Variants in BBS9 observed in about 807,000 individuals in gnomAD.
BBS9 encodes Bardet-Biedl syndrome 9.
A neutral mutation model predicts 117.7 loss-of-function variants in BBS9; 89 were observed. That is an observed-to-expected ratio of 0.76 (90% CI 0.64 to 0.90). The LOEUF (loss-of-function observed/expected upper bound fraction) is 0.90. BBS9 is among the 40% of genes least tolerant of loss of function. The pLI is 0.00. For missense variants in BBS9, 982 were observed against 1,042.2 expected (o/e 0.94, Z 0.80); for synonymous variants, 379 against 370.9 (o/e 1.02, Z -0.25).
At chr7:33,488,628 T>G (rs1336693429) in intron 19 of BBS9, among the ~76,000 whole-genome samples, 1 of 152,166 alleles carries the variant, frequency 6.6e-6, no homozygotes, top group Non-Finnish European at 1.5e-5. Flanking sequence ...TCAGTTGAAT[T>G]CAGATGAGTA....
rs536337752 is a variant in BBS9 at position 33,401,654 on chromosome 7, A to G, written c.2115+13510A>G. ...ATTGCTGTCTAAAGACCTAGAATCA[A>G]TAGAAGGAATATCTGGGTTAAGACA... On this transcript the variant is annotated intron_variant, in intron 19 of 22. Transcript: ENST00000242067. Among the ~76,000 whole-genome samples the G allele has an allele frequency of 4.6e-5, 7 of 152,212 alleles. No homozygotes were observed. The South Asian group carries it at 1.2e-3, about 27-fold the overall frequency.
At chr7:33,353,884 T>G (rs966674833) in intron 15 of BBS9, among the ~76,000 whole-genome samples, 2 of 152,054 alleles carry the variant, frequency 1.3e-5, no homozygotes, top group Non-Finnish European at 2.9e-5. Flanking sequence ...AATTAGAATT[T>G]GGGTCATTAA....
rs79030728 is a variant in BBS9, at chr7:33,351,712, C to G, written c.1537+389C>G. ...CCAGGAAGAATTAGGCATGCGGACA[C>G]AGTGAGTGAGGAGGGTGGAATTTTT... On this transcript the variant is annotated intron_variant, in intron 14 of 22. Transcript: ENST00000242067. 5.3e-3 allele frequency among the ~76,000 whole-genome samples: 807 copies of G among 152,224 alleles called. 11 individuals carry two copies. Among genetic ancestry groups the G allele is most frequent in the African/African-American group, 0.019 (774 of 41,540 alleles).
At chr7:33,455,436 A>G (rs999605824) in intron 19 of BBS9, among the ~76,000 whole-genome samples, 1 of 152,172 alleles carries the variant, frequency 6.6e-6, no homozygotes, top group Non-Finnish European at 1.5e-5. Flanking sequence ...ATTTGTTCAT[A>G]TTTTATAGAA....
At chr7:33,224,879 G>C (rs979191782) in intron 5 of BBS9, among the ~76,000 whole-genome samples, 1 of 152,188 alleles carries the variant, frequency 6.6e-6, no homozygotes, top group Non-Finnish European at 1.5e-5. Context: ...GGCAACAGTA[G>C]CCATTGATGA....
intron 5 of BBS9, among the ~76,000 whole-genome samples, chr7:33,249,561 A>G (rs888371913): frequency 9.2e-5 from 14 of 151,954 alleles, no homozygotes; most frequent in African/African-American, 2.7e-4. Flanking sequence ...TCTCAAATTG[A>G]TCTTGGTCAG....
chr7:33,349,177 T>A lies in BBS9; in HGVS notation c.1432+7T>A. On this transcript the variant is annotated splice_region_variant and intron_variant, in intron 13 of 22. Transcript: ENST00000242067. ...TTCACCTTTGAATTTATGAGTAAGTTTTTTGTTTTGGCTGAAAGTCTACCA... is the reference window on the plus strand; with the variant it reads ...TTCACCTTTGAATTTATGAGTAAGTATTTTGTTTTGGCTGAAAGTCTACCA... 6.3e-7 allele frequency: 1 copy of A among 1,599,990 alleles called. No individual in the cohort carries two copies. Among genetic ancestry groups the A allele is most frequent in the Non-Finnish European group, 8.6e-7 (1 of 1,167,516 alleles).
chr7:33,324,746 A>G (rs868683396), intron 9 of BBS9, among the ~76,000 whole-genome samples: 4 of 151,994 alleles, frequency 2.6e-5, no homozygotes, highest in African/African-American at 9.7e-5. Context: ...TGCTGGATAT[A>G]CTATTCTAGG....
At chr7:33,205,319 C>T (rs1174588724) in intron 5 of BBS9, among the ~76,000 whole-genome samples, 1 of 152,102 alleles carries the variant, frequency 6.6e-6, no homozygotes, top group African/African-American at 2.4e-5. Context: ...TTCCATATAC[C>T]TCCCTCTCTA....
At chr7:33,130,705 G>A (rs533035839) in intron 1 of BBS9, among the ~76,000 whole-genome samples, 1 of 151,840 alleles carries the variant, frequency 6.6e-6, no homozygotes, top group African/African-American at 2.4e-5. Context: ...AACAATTACT[G>A]AGATTTTTTT....
upstream of BBS9, chr7:33,129,450 G>C (rs1386527832): frequency 4.2e-6 from 1 of 235,490 alleles, no homozygotes; most frequent in Non-Finnish European, 8.2e-6. Flanking sequence ...TTCCAACCGC[G>C]GCCCTCTCAG....
chr7:33,386,211 A>C (rs1406611665), intron 18 of BBS9, among the ~76,000 whole-genome samples: 1 of 152,172 alleles, frequency 6.6e-6, no homozygotes, highest in South Asian at 2.1e-4. Flanking sequence ...AATACACTTT[A>C]AAAAAGTTAA....
chr7:33,365,869 T>C (rs1821601792), intron 16 of BBS9, among the ~76,000 whole-genome samples: 1 of 152,196 alleles, frequency 6.6e-6, no homozygotes, highest in African/African-American at 2.4e-5. Flanking sequence ...TGGGACCTTG[T>C]CCTCTATGGC....
rs1430428947 is a variant in BBS9, at chr7:33,553,117, G to A, written c.2521+18941G>A. Among the ~76,000 whole-genome samples, 5 of 152,064 alleles carry A rather than the reference G, an allele frequency of 3.3e-5. No individual in the cohort carries two copies. The East Asian group carries it at 9.6e-4, about 29-fold the overall frequency. On this transcript the variant is annotated intron_variant, in intron 21 of 22. Transcript: ENST00000242067. The stretch of plus-strand genomic sequence containing the variant: ...ACACTGTCTCACTGGCTGACTTATA[G>A]CCATTCTCAGATCTCAACTTAAAGA...
chr7:33,177,460 T>C lies in BBS9; in HGVS notation c.329-18T>C, dbSNP rs1180090537. The stretch of plus-strand genomic sequence containing the variant: ...AGTGTACACAAATACAAAGTAATCC[T>C]TTTTTTTTTTTCCTTAGGAACCTTG... On this transcript the variant is annotated intron_variant, in intron 4 of 22. Coordinates refer to ENST00000242067, the MANE Select transcript of BBS9 (RefSeq NM_198428.3). The C allele has an allele frequency of 1.9e-5, 11 of 590,330 alleles. No individual in the cohort carries two copies. The highest frequency in any genetic ancestry group is 1.2e-4 in the South Asian group (4 of 34,510). The allele number at this position is 590,330 out of a possible 1,614,324, so 36.6% of individuals were successfully genotyped here. A position where few individuals can be genotyped will look rare whatever the true frequency, so the allele number is the denominator to read the frequency against.
At chr7:33,312,441 T>C (rs1809472158) in intron 9 of BBS9, among the ~76,000 whole-genome samples, 1 of 152,058 alleles carries the variant, frequency 6.6e-6, no homozygotes, top group African/African-American at 2.4e-5. Flanking sequence ...AATGAGGGAA[T>C]GGGAGGGGTG....
intron 21 of BBS9, among the ~76,000 whole-genome samples, chr7:33,613,356 C>T (rs1337577450): frequency 6.6e-5 from 10 of 152,020 alleles, no homozygotes; most frequent in Admixed American, 3.9e-4. Flanking sequence ...CCTTGATTAA[C>T]GTCTTTTATA....
intron 3 of BBS9, 93 bp from the exon 4 acceptor site, chr7:33,155,545 T>G (rs1584195766): frequency 1.1e-5 from 9 of 784,350 alleles, no homozygotes; most frequent in Non-Finnish European, 2.2e-6. Context: ...ACAGTGGCTG[T>G]GGTTATGAGA....
At chr7:33,269,867 A>G (rs1799478691) in intron 7 of BBS9, among the ~76,000 whole-genome samples, 1 of 152,106 alleles carries the variant, frequency 6.6e-6, no homozygotes, top group Admixed American at 6.5e-5. Flanking sequence ...TACTAAAAAT[A>G]CAAAAGTTAG....
Sources: gnomAD v4.1 joint callset for allele counts (sites outside exome capture counted in the v4.1 genomes callset) on GRCh38, gnomAD v4.1.1 for gene constraint, MANE v1.5 for transcripts, NCBI Gene and HGNC (gene_info 2026-07-23, HGNC 2026-07-21) for gene names.